Variants in IRGM observed in about 807,000 individuals in gnomAD.
The protein encoded by IRGM is immunity-related GTPase family M protein.
For synonymous variants in IRGM, 98 were observed against 80.6 expected, an observed-to-expected ratio of 1.22 and a Z score of -1.16; for missense variants, 288 against 219.9, an observed-to-expected ratio of 1.31 and a Z score of -1.96.
chr5:150,866,971 T>C (rs1264108666), intron 1 of IRGM, among the ~76,000 whole-genome samples: 1 of 152,202 alleles, frequency 6.6e-6, no homozygotes, highest in African/African-American at 2.4e-5. Flanking sequence ...TTCAGTGTAC[T>C]CATTTCAGTC....
At chr5:150,899,410 CATTTT>C (rs1397058402) in intron 3 of IRGM, among the ~76,000 whole-genome samples, 6 of 151,236 alleles carry the variant, frequency 4.0e-5, no homozygotes, top group Admixed American at 3.3e-4. Context: ...TTTGTAAGTA[CATTTT>C]TTTTTAAAAA....
intron 1 of IRGM, among the ~76,000 whole-genome samples, chr5:150,857,528 AG>A (rs1165450173): frequency 1.3e-5 from 2 of 151,986 alleles, no homozygotes; most frequent in Non-Finnish European, 2.9e-5. Flanking sequence ...TGGTTGAACT[AG>A]TTTACAGTCC....
At chr5:150,860,180 C>A (rs1173107308) in intron 1 of IRGM, among the ~76,000 whole-genome samples, 2 of 152,188 alleles carry the variant, frequency 1.3e-5, no homozygotes, top group African/African-American at 2.4e-5. Flanking sequence ...TTAACGTCTC[C>A]TATAACATTT....
At chr5:150,890,584 C>A (rs1011547357) in intron 3 of IRGM, among the ~76,000 whole-genome samples, 9 of 152,048 alleles carry the variant, frequency 5.9e-5, no homozygotes, top group Admixed American at 2.0e-4. Context: ...TTTTCTAATG[C>A]ATTCCTTTAG....
At chr5:150,851,539 TTTG>T (rs1753975571), downstream of IRGM, among the ~76,000 whole-genome samples, 1 of 152,198 alleles carries the variant, frequency 6.6e-6, no homozygotes, top group Non-Finnish European at 1.5e-5. Context: ...GATTGAATTT[TTTG>T]TTTTGTTCCT....
chr5:150,847,912 C>G lies in IRGM; in HGVS notation c.-212C>G. ...CTGCGTCCAGGGTTCAAGCGATTCC[C>G]CTGCCTCAGCCTCCTGTATTAGCTG... On this transcript the variant is annotated 5_prime_UTR_variant, in exon 2 of 2. Coordinates refer to ENST00000522154, the MANE Select transcript of IRGM (RefSeq NM_001145805.2). The G allele has an allele frequency of 1.9e-6, 1 of 536,528 alleles. No individual in the cohort carries two copies. Among genetic ancestry groups the G allele is most frequent in the Non-Finnish European group, 3.3e-6 (1 of 300,106 alleles). 33.2% of individuals were successfully genotyped at this position (536,528 alleles called of 1,614,324 possible).
intron 3 of IRGM, among the ~76,000 whole-genome samples, chr5:150,880,729 T>C (rs1754432408): frequency 6.6e-6 from 1 of 152,246 alleles, no homozygotes; most frequent in Non-Finnish European, 1.5e-5. Context: ...GGAAAATGTT[T>C]CATATTTTCA....
chr5:150,849,249 T>C (rs1258983729), downstream of IRGM, among the ~76,000 whole-genome samples: 1 of 152,192 alleles, frequency 6.6e-6, no homozygotes, highest in African/African-American at 2.4e-5. Context: ...TAAGTTCTTG[T>C]TTTATCCAGA....
intron 1 of IRGM, among the ~76,000 whole-genome samples, chr5:150,871,265 A>AG (rs1754278671): frequency 6.6e-6 from 1 of 152,196 alleles, no homozygotes; most frequent in South Asian, 2.1e-4. Flanking sequence ...GCCCTAGCTG[A>AG]AATATGGTAA....
chr5:150,873,836 A>G (rs4958425), intron 1 of IRGM, among the ~76,000 whole-genome samples: 26,104 of 152,190 alleles, frequency 0.17, 3,206 homozygotes, highest in East Asian at 0.43. Context: ...ATAGTAAATC[A>G]AAAACAATAT....
At chr5:150,854,985 C>T (rs766224882) in intron 1 of IRGM, among the ~76,000 whole-genome samples, 1 of 152,066 alleles carries the variant, frequency 6.6e-6, no homozygotes, top group South Asian at 2.1e-4. Context: ...CTTGGTTGCT[C>T]TTTTTTTCTG....
At chr5:150,885,273 T>C (rs563991126) in intron 3 of IRGM, among the ~76,000 whole-genome samples, 7 of 152,246 alleles carry the variant, frequency 4.6e-5, no homozygotes, top group African/African-American at 9.6e-5. Flanking sequence ...CATTGGTCTA[T>C]GTGCCTGTTT....
intron 1 of IRGM, among the ~76,000 whole-genome samples, chr5:150,877,678 C>T (rs1305283812): frequency 1.3e-5 from 2 of 152,114 alleles, no homozygotes; most frequent in African/African-American, 4.8e-5. Context: ...TGCCCAGGAT[C>T]ACATAGGTTT....
chr5:150,848,740 T>G, downstream of IRGM: 4 of 1,078,472 alleles, frequency 3.7e-6, no homozygotes, highest in Non-Finnish European at 5.3e-6. Context: ...ACTGGACTCA[T>G]TGAAACACAC....
chr5:150,876,827 C>T (rs1009365250), intron 1 of IRGM, among the ~76,000 whole-genome samples: 4 of 152,184 alleles, frequency 2.6e-5, no homozygotes, highest in East Asian at 1.9e-4. Flanking sequence ...ATGCCAGCTA[C>T]GACCATGTGA....
At chr5:150,901,975 A>G (rs915634255), downstream of IRGM, among the ~76,000 whole-genome samples, 1 of 152,170 alleles carries the variant, frequency 6.6e-6, no homozygotes, top group Non-Finnish European at 1.5e-5. Flanking sequence ...CAAGAAAATA[A>G]GAGACATTCT....
chr5:150,869,384 T>C (rs1423699914), intron 1 of IRGM, among the ~76,000 whole-genome samples: 1 of 152,150 alleles, frequency 6.6e-6, no homozygotes, highest in Non-Finnish European at 1.5e-5. Flanking sequence ...AGTTAGCTAG[T>C]ATTTTGTTGA....
At chr5:150,855,878 A>C (rs1343896966) in intron 1 of IRGM, among the ~76,000 whole-genome samples, 2 of 152,228 alleles carry the variant, frequency 1.3e-5, no homozygotes, top group African/African-American at 2.4e-5. Context: ...TAAAAGGGGA[A>C]AATTTGATAT....
chr5:150,847,522 C>T (rs371191153), intron 1 of IRGM, 187 bp from the exon 2 acceptor site: 12 of 152,888 alleles, frequency 7.8e-5, no homozygotes, highest in African/African-American at 9.6e-5. Flanking sequence ...GGCCTCAGGG[C>T]GTTCCTCAGG....
Sources: allele counts gnomAD v4.1 joint callset (sites outside exome capture counted in the v4.1 genomes callset), GRCh38; gene constraint gnomAD v4.1.1; transcripts MANE v1.5; gene names NCBI Gene and HGNC (gene_info 2026-07-23, HGNC 2026-07-21).